Variants in GMDS observed in about 807,000 individuals in gnomAD.
The protein encoded by GMDS is GDP-mannose 4,6 dehydratase.
A neutral mutation model predicts 49.9 loss-of-function variants in GMDS; 20 were observed. The observed-to-expected ratio is 0.40, with a 90% CI of 0.28 to 0.58. The LOEUF (loss-of-function observed/expected upper bound fraction) is 0.58, where lower values mean the gene tolerates loss of function less well. Among genes scored for constraint, GMDS ranks in the 20% least tolerant of loss-of-function variants. GMDS has a pLI of 0.42. For missense variants in GMDS, 362 were observed against 481.4 expected (o/e 0.75, Z 2.32); for synonymous variants, 177 against 178.6 (o/e 0.99, Z 0.07).
intron 4 of GMDS, among the ~76,000 whole-genome samples, chr6:2,033,655 G>A (rs186912177): frequency 8.2e-4 from 125 of 152,266 alleles, no homozygotes; most frequent in Middle Eastern, 3.4e-3. Flanking sequence ...AAACTATCAG[G>A]TGTTCACCGC....
At chr6:2,129,491 T>C (rs1775619373) in intron 1 of GMDS, among the ~76,000 whole-genome samples, 1 of 152,186 alleles carries the variant, frequency 6.6e-6, no homozygotes, top group Non-Finnish European at 1.5e-5. Context: ...GCGGCTTCTT[T>C]GAACAGGATA....
At chr6:1,662,057 GGA>G (rs1417417448) in intron 9 of GMDS, among the ~76,000 whole-genome samples, 1 of 152,096 alleles carries the variant, frequency 6.6e-6, no homozygotes, top group Non-Finnish European at 1.5e-5. Context: ...AGCTGCTGGT[GGA>G]GAGAGAGGAA....
intron 7 of GMDS, among the ~76,000 whole-genome samples, chr6:1,786,401 C>T (rs1434988895): frequency 1.3e-5 from 2 of 152,174 alleles, no homozygotes; most frequent in African/African-American, 2.4e-5. Flanking sequence ...GGCCAGCAGG[C>T]CAGGGAAAGA....
intron 7 of GMDS, among the ~76,000 whole-genome samples, chr6:1,795,353 T>C (rs769620572): frequency 1.3e-5 from 2 of 152,228 alleles, no homozygotes; most frequent in African/African-American, 2.4e-5. Context: ...ATTACACTAA[T>C]GCATACAACA....
chr6:2,218,823 A>C (rs1349836960), intron 1 of GMDS, among the ~76,000 whole-genome samples: 2 of 152,230 alleles, frequency 1.3e-5, no homozygotes, highest in Non-Finnish European at 2.9e-5. Context: ...ATACATTATG[A>C]AACTGAGGTT....
intron 1 of GMDS, among the ~76,000 whole-genome samples, chr6:2,155,317 A>G (rs1447527084): frequency 6.6e-6 from 1 of 152,182 alleles, no homozygotes; most frequent in Non-Finnish European, 1.5e-5. Context: ...GCTGCAAAAA[A>G]GACTATGATT....
At chr6:2,006,105 A>G (rs1363141987) in intron 4 of GMDS, among the ~76,000 whole-genome samples, 2 of 151,992 alleles carry the variant, frequency 1.3e-5, no homozygotes, top group African/African-American at 4.8e-5. Flanking sequence ...CCTCACCTCC[A>G]TTCACTCAGT....
At chr6:1,928,970 AAAATAAATAAATAAAT>A (rs36003101) in intron 7 of GMDS, among the ~76,000 whole-genome samples, 1 of 148,036 alleles carries the variant, frequency 6.8e-6, no homozygotes, top group Non-Finnish European at 1.5e-5. Flanking sequence ...CTCTGTCTCA[AAAATAAATAAATAAAT>A]AAATAAATAA....
At chr6:2,171,406 G>C in intron 1 of GMDS, among the ~76,000 whole-genome samples, 1 of 152,130 alleles carries the variant, frequency 6.6e-6, no homozygotes, top group South Asian at 2.1e-4. Flanking sequence ...TGGAGCCTAG[G>C]AAGTCCAAGA....
chr6:2,004,881 G>A (rs945526158), intron 4 of GMDS, among the ~76,000 whole-genome samples: 3 of 152,144 alleles, frequency 2.0e-5, no homozygotes, highest in Non-Finnish European at 2.9e-5. Context: ...TTATTTGAGC[G>A]AATGTTTGAC....
chr6:1,784,302 G>T (rs1769225225), intron 7 of GMDS, among the ~76,000 whole-genome samples: 1 of 137,408 alleles, frequency 7.3e-6, no homozygotes, highest in African/African-American at 2.7e-5. Flanking sequence ...TGAGGCAGGA[G>T]AATCACTTGA....
chr6:1,927,534 C>A (rs1762084491), intron 7 of GMDS, among the ~76,000 whole-genome samples: 1 of 152,206 alleles, frequency 6.6e-6, no homozygotes, highest in African/African-American at 2.4e-5. Flanking sequence ...TTTGCACCAA[C>A]CCCTACTGGA....
chr6:1,810,139 T>G (rs922553609), intron 7 of GMDS, among the ~76,000 whole-genome samples: 3 of 152,028 alleles, frequency 2.0e-5, no homozygotes, highest in Non-Finnish European at 2.9e-5. Flanking sequence ...GAGCTCACAT[T>G]CCAGAGGAGA....
At chr6:1,821,611 GTTTTTTTTTTTTTT>G (rs3039703) in intron 7 of GMDS, among the ~76,000 whole-genome samples, 2 of 109,854 alleles carry the variant, frequency 1.8e-5, no homozygotes, top group Admixed American at 9.3e-5. Context: ...CAATTTATTT[GTTTTTTTTTTTTTT>G]TTTTTTTTTT....
rs78015849 is a variant in GMDS, at chr6:1,698,481, G to A, written c.987+27935C>T. 4.6e-3 allele frequency among the ~76,000 whole-genome samples: 701 copies of A among 152,324 alleles called. 3 individuals carry two copies. Among genetic ancestry groups the A allele is most frequent in the African/African-American group, 0.016 (667 of 41,564 alleles). On this transcript the variant is annotated intron_variant, in intron 9 of 10. Coordinates refer to ENST00000380815, the MANE Select transcript of GMDS (RefSeq NM_001500.4). Reference sequence around the variant, plus strand: ...CTTTCTTCTGTTTCCAGAAAGAGTTGAGTATTTTGTGGTGGCTTCTTTCAT... The same window carrying A: ...CTTTCTTCTGTTTCCAGAAAGAGTTAAGTATTTTGTGGTGGCTTCTTTCAT...
rs1184721062 is a variant in GMDS, at chr6:1,795,326, A to T, written c.772-52740T>A. Reference sequence around the variant, plus strand: ...TAAGGAATTCCCAGTTATATCTAAAACCCACAAGGCATCAAAATTACACTA... The same window carrying T: ...TAAGGAATTCCCAGTTATATCTAAATCCCACAAGGCATCAAAATTACACTA... On this transcript the variant is annotated intron_variant, in intron 7 of 10. Coordinates refer to ENST00000380815, the MANE Select transcript of GMDS (RefSeq NM_001500.4). Among the ~76,000 whole-genome samples the T allele has an allele frequency of 2.0e-5, 3 of 152,146 alleles. No individual in the cohort carries two copies. In the East Asian group the frequency reaches 5.8e-4, roughly 29 times the overall value.
At chr6:2,139,603 C>T (rs1028496788) in intron 1 of GMDS, among the ~76,000 whole-genome samples, 1 of 152,120 alleles carries the variant, frequency 6.6e-6, no homozygotes, top group African/African-American at 2.4e-5. Context: ...GAAGTCTTTA[C>T]TCTAATTATC....
chr6:1,872,094 A>G (rs1016807120), intron 7 of GMDS, among the ~76,000 whole-genome samples: 1 of 152,158 alleles, frequency 6.6e-6, no homozygotes, highest in Non-Finnish European at 1.5e-5. Flanking sequence ...TCCCTCATCC[A>G]TGGTCCTCTC....
At chr6:1,719,296 C>T (rs1438960898) in intron 9 of GMDS, among the ~76,000 whole-genome samples, 1 of 151,692 alleles carries the variant, frequency 6.6e-6, no homozygotes, top group East Asian at 1.9e-4. Flanking sequence ...GCATGAGCCA[C>T]AGGTGTGGGC....
Sources: allele counts gnomAD v4.1 joint callset (sites outside exome capture counted in the v4.1 genomes callset), GRCh38; gene constraint gnomAD v4.1.1; transcripts MANE v1.5; gene names NCBI Gene and HGNC (gene_info 2026-07-23, HGNC 2026-07-21).